The following ARCN1 variants were observed in gnomAD, a reference collection of about 807,000 sequenced individuals.
The protein encoded by ARCN1 is archain 1 coat protein complex I subunit delta.
A neutral mutation model predicts 60.4 loss-of-function variants in ARCN1; 5 were observed. The ratio of observed to expected loss-of-function variants is 0.08; its 90% CI spans 0.04 to 0.17. The LOEUF (loss-of-function observed/expected upper bound fraction) is 0.17, where lower values mean the gene tolerates loss of function less well. Among genes scored for constraint, ARCN1 ranks in the 10% least tolerant of loss-of-function variants. The pLI is 1.00. For synonymous variants in ARCN1, 224 were observed against 220.0 expected, an observed-to-expected ratio of 1.02 and a Z score of -0.16; for missense variants, 464 against 626.5, an observed-to-expected ratio of 0.74 and a Z score of 2.77.
intron 5 of ARCN1, among the ~76,000 whole-genome samples, chr11:118,589,679 C>A (rs1406282832): frequency 6.6e-6 from 1 of 152,244 alleles, no homozygotes; most frequent in African/African-American, 2.4e-5. Flanking sequence ...CCTTGGCCTC[C>A]CAAAGTGCTG....
chr11:118,572,479 C>G lies in ARCN1; in HGVS notation c.-69C>G, dbSNP rs541171787. 595 of 1,566,158 alleles carry G rather than the reference C, an allele frequency of 3.8e-4. No homozygotes were observed. Among genetic ancestry groups the G allele is most frequent in the Admixed American group, 9.7e-4 (56 of 57,828 alleles). The stretch of plus-strand genomic sequence containing the variant: ...GCAGGTCCAGAGCTGCTGGTGCTCC[C>G]GTTCCCCAGACCCTACCCCTATCCC... On this transcript the variant is annotated 5_prime_UTR_variant, in exon 1 of 10. Transcript: ENST00000264028.
chr11:118,590,434 G>A lies in ARCN1; in HGVS notation c.912G>A (p.Arg304=), dbSNP rs1401087365. The change falls in exon 6 of 10, where the codon AGG becomes AGA. Residue 304 remains arginine, a synonymous_variant. Transcript: ENST00000264028. ...AGTTGCATGGCATGATCATGCTTAG[G>A]ATCTCAGATGACAAGTATGGCCGAA... is the stretch of plus-strand genomic sequence containing the variant. ...NMELHGMIML[R]ISDDKYGRIR... is the part of the protein sequence containing the mutation. 6.2e-7 allele frequency: 1 copy of A among 1,614,230 alleles called. No homozygotes were observed. The highest frequency in any genetic ancestry group is 8.5e-7 in the Non-Finnish European group (1 of 1,180,026).
chr11:118,589,302 G>T (rs1328647492), intron 5 of ARCN1, among the ~76,000 whole-genome samples: 1 of 152,172 alleles, frequency 6.6e-6, no homozygotes, highest in Non-Finnish European at 1.5e-5. Flanking sequence ...CTGGAAAAGG[G>T]TATATATGTC....
At chr11:118,578,874 CTTTTTTTTTT>C (rs56050047) in intron 1 of ARCN1, among the ~76,000 whole-genome samples, 6,977 of 83,640 alleles carry the variant, frequency 0.083, 855 homozygotes, top group African/African-American at 0.3. Flanking sequence ...CCCCGTCTCT[CTTTTTTTTTT>C]TTTTTTTTTT....
chr11:118,595,654 A>T (rs1939009329), intron 8 of ARCN1, among the ~76,000 whole-genome samples: 1 of 152,220 alleles, frequency 6.6e-6, no homozygotes, highest in African/African-American at 2.4e-5. Flanking sequence ...AGTAAATCCT[A>T]GCTCCTTTCA....
chr11:118,592,214 G>A (rs994719972), intron 6 of ARCN1, among the ~76,000 whole-genome samples: 3 of 152,152 alleles, frequency 2.0e-5, no homozygotes, highest in African/African-American at 7.2e-5. Context: ...AAAAAGATAA[G>A]ACTATCTTAA....
At chr11:118,588,469 CATA>C (rs1453025608) in intron 5 of ARCN1, among the ~76,000 whole-genome samples, 2 of 152,192 alleles carry the variant, frequency 1.3e-5, no homozygotes, top group African/African-American at 4.8e-5. Context: ...GTATGTATAT[CATA>C]ATATCACAAC....
chr11:118,580,161 G>T (rs1458688728), intron 1 of ARCN1, among the ~76,000 whole-genome samples: 2 of 152,012 alleles, frequency 1.3e-5, no homozygotes, highest in East Asian at 3.9e-4. Flanking sequence ...CACTTCTACC[G>T]AAAATACAAA....
intron 5 of ARCN1, among the ~76,000 whole-genome samples, chr11:118,585,610 G>A (rs1285369657): frequency 6.6e-6 from 1 of 152,028 alleles, no homozygotes; most frequent in East Asian, 1.9e-4. Flanking sequence ...TGCAATCTCA[G>A]CTTGTTGCAA....
intron 1 of ARCN1, among the ~76,000 whole-genome samples, chr11:118,575,038 G>T (rs1246615880): frequency 6.6e-6 from 1 of 152,154 alleles, no homozygotes; most frequent in Non-Finnish European, 1.5e-5. Flanking sequence ...GAGTGCAGTG[G>T]CACAATCTCA....
At chr11:118,600,382 T>C (rs1181390801) in intron 9 of ARCN1, among the ~76,000 whole-genome samples, 2 of 152,224 alleles carry the variant, frequency 1.3e-5, no homozygotes, top group African/African-American at 4.8e-5. Flanking sequence ...TTTTACTTAA[T>C]ACTACGGAAC....
intron 9 of ARCN1, among the ~76,000 whole-genome samples, chr11:118,599,005 G>A (rs978919031): frequency 6.6e-6 from 1 of 151,866 alleles, no homozygotes; most frequent in Non-Finnish European, 1.5e-5. Context: ...TATCGGTCAG[G>A]CTGGTCTCGA....
chr11:118,601,558 A>G lies in ARCN1; in HGVS notation c.*844A>G. ...TATATTTATTTGGCACTCCTGGAAC[A>G]AGTATATCTAACCCATTCTTGATTT... On this transcript the variant is annotated 3_prime_UTR_variant, in exon 10 of 10. Coordinates refer to ENST00000264028, the MANE Select transcript of ARCN1 (RefSeq NM_001655.5). The G allele has an allele frequency of 1.5e-6, 1 of 686,720 alleles. No individual in the cohort carries two copies. The highest frequency in any genetic ancestry group is 2.7e-6 in the Non-Finnish European group (1 of 376,218). 42.5% of individuals were successfully genotyped at this position (686,720 alleles called of 1,614,324 possible).
At chr11:118,584,910 C>G (rs942940162) in intron 5 of ARCN1, among the ~76,000 whole-genome samples, 6 of 151,798 alleles carry the variant, frequency 4.0e-5, no homozygotes, top group African/African-American at 1.2e-4. Context: ...GCTGCAAGCT[C>G]TCCCTCCCAG....
chr11:118,583,219 C>T lies in ARCN1; in HGVS notation c.308C>T (p.Ser103Phe), dbSNP rs1555074923. ...YCRALEENEISEHCFDLIFAF... is the reference protein window; with the variant it reads ...YCRALEENEIFEHCFDLIFAF... Reference sequence around the variant, plus strand: ...CGAGCCTTAGAAGAGAATGAAATATCTGAGCACTGTTTTGATTTGATTTTT... The same window carrying T: ...CGAGCCTTAGAAGAGAATGAAATATTTGAGCACTGTTTTGATTTGATTTTT... Residue 103 changes from serine (S) to phenylalanine (F), a missense_variant, in exon 3 of 10, where the codon TCT (serine) becomes TTT (phenylalanine). Physicochemically the swap from Ser to Phe is radical, Grantham distance 155 (BLOSUM62 -2). Transcript: ENST00000264028. 1 of 1,614,114 alleles carries T rather than the reference C, an allele frequency of 6.2e-7. No individual in the cohort carries two copies. Among genetic ancestry groups the T allele is most frequent in the South Asian group, 1.1e-5 (1 of 91,084 alleles).
chr11:118,581,230 C>G lies in ARCN1; in HGVS notation c.4-16C>G. 1 of 1,613,486 alleles carries G rather than the reference C, an allele frequency of 6.2e-7. No individual in the cohort carries two copies. Among genetic ancestry groups the G allele is most frequent in the Non-Finnish European group, 8.5e-7 (1 of 1,179,426 alleles). ...AAGAAATAATTAGTACTTACTTATG[C>G]ATATGTTCCTGGCAGGTGCTGTTGG... On this transcript the variant is annotated splice_polypyrimidine_tract_variant and intron_variant, in intron 1 of 9. Transcript: ENST00000264028.
intron 4 of ARCN1, among the ~76,000 whole-genome samples, 196 bp downstream of exon 4, chr11:118,584,210 G>A (rs1300810163): frequency 6.6e-6 from 1 of 152,220 alleles, no homozygotes; most frequent in Non-Finnish European, 1.5e-5. Flanking sequence ...GTATAAAAGA[G>A]AGTTATAAAT....
At chr11:118,592,649 G>A in intron 6 of ARCN1, 60 bp from the exon 7 acceptor site, 1 of 1,427,698 alleles carries the variant, frequency 7.0e-7, no homozygotes, top group Non-Finnish European at 9.6e-7. Flanking sequence ...TATAAGCCTA[G>A]TGAGGGGTTG....
chr11:118,584,986 C>G (rs146865989), intron 5 of ARCN1, among the ~76,000 whole-genome samples: 1 of 151,758 alleles, frequency 6.6e-6, no homozygotes, highest in African/African-American at 2.4e-5. Context: ...CCCCTACGCC[C>G]GGCTAATTTT....
Sources: gnomAD v4.1 joint callset for allele counts (sites outside exome capture counted in the v4.1 genomes callset) on GRCh38, gnomAD v4.1.1 for gene constraint, MANE v1.5 for transcripts, NCBI Gene and HGNC (gene_info 2026-07-23, HGNC 2026-07-21) for gene names.